ZFHX4: variants seen among roughly 807,000 people sequenced by gnomAD.
The protein encoded by ZFHX4 is zinc finger homeobox 4, also known as zinc finger homeobox protein 4.
Under a neutral mutation model 267.6 loss-of-function variants are expected in ZFHX4, and 56 were observed. The observed-to-expected ratio is 0.21, with a 90% CI of 0.17 to 0.26. ZFHX4 has a LOEUF of 0.26. Among genes scored for constraint, ZFHX4 ranks in the 10% least tolerant of loss-of-function variants. ZFHX4 has a pLI of 1.00. For synonymous variants in ZFHX4, 1,778 were observed against 1,665.6 expected (o/e 1.07, Z -1.64); for missense variants, 4,332 against 4,420.0 (o/e 0.98, Z 0.56).
At chr8:76,757,705 C>T (rs931969732) in intron 3 of ZFHX4, among the ~76,000 whole-genome samples, 1 of 152,206 alleles carries the variant, frequency 6.6e-6, no homozygotes, top group Non-Finnish European at 1.5e-5. Context: ...TGAGTTAGAA[C>T]ACAGTCCTCC....
chr8:76,746,130 G>C (rs535985207), intron 3 of ZFHX4, among the ~76,000 whole-genome samples: 1 of 152,322 alleles, frequency 6.6e-6, no homozygotes, highest in South Asian at 2.1e-4. Flanking sequence ...TTTTGGTCAG[G>C]AGCGATGGCT....
chr8:76,850,074 G>A (rs1812471051), intron 8 of ZFHX4, 171 bp from the exon 9 acceptor site: 2 of 600,768 alleles, frequency 3.3e-6, no homozygotes, highest in Admixed American at 3.1e-5. Flanking sequence ...CATTGCCACA[G>A]CATTGATCTA....
chr8:76,700,064 C>G (rs1031123642), intron 1 of ZFHX4, among the ~76,000 whole-genome samples: 3 of 152,016 alleles, frequency 2.0e-5, no homozygotes, highest in African/African-American at 7.2e-5. Context: ...GGGGAAAAGG[C>G]CACAGCAGAG....
chr8:76,748,079 T>G (rs1209412115), intron 3 of ZFHX4, among the ~76,000 whole-genome samples: 1 of 152,238 alleles, frequency 6.6e-6, no homozygotes, highest in Non-Finnish European at 1.5e-5. Context: ...TTTTATAATC[T>G]TAACTACTCG....
At chr8:76,827,675 A>T (rs1811822411) in intron 4 of ZFHX4, among the ~76,000 whole-genome samples, 1 of 152,194 alleles carries the variant, frequency 6.6e-6, no homozygotes, top group Non-Finnish European at 1.5e-5. Context: ...TATATCAGGA[A>T]CGTATTAAAT....
At chr8:76,768,419 T>C (rs1342008693) in intron 3 of ZFHX4, among the ~76,000 whole-genome samples, 1 of 152,144 alleles carries the variant, frequency 6.6e-6, no homozygotes, top group Non-Finnish European at 1.5e-5. Context: ...ATACTCAAGC[T>C]GGCCATTGAG....
chr8:76,777,206 A>C (rs1810421251), intron 3 of ZFHX4, among the ~76,000 whole-genome samples: 2 of 152,140 alleles, frequency 1.3e-5, no homozygotes, highest in South Asian at 2.1e-4. Context: ...GAATTGAACT[A>C]CCCCAATTAA....
At chr8:76,775,891 T>C (rs1810387581) in intron 3 of ZFHX4, among the ~76,000 whole-genome samples, 1 of 146,274 alleles carries the variant, frequency 6.8e-6, no homozygotes, top group Non-Finnish European at 1.5e-5. Context: ...AAAAAGTAAG[T>C]TTTCTTTTTT....
intron 4 of ZFHX4, among the ~76,000 whole-genome samples, chr8:76,794,935 T>TG (rs1316104047): frequency 2.7e-5 from 4 of 150,926 alleles, no homozygotes; most frequent in African/African-American, 9.7e-5. Flanking sequence ...TCTTCTCAGT[T>TG]GAAGTCCATC....
chr8:76,820,566 T>C (rs192322318), intron 4 of ZFHX4, among the ~76,000 whole-genome samples: 8 of 152,278 alleles, frequency 5.3e-5, no homozygotes, highest in Admixed American at 2.6e-4. Flanking sequence ...TGCCACACAC[T>C]TTTGAGGCCT....
intron 1 of ZFHX4, among the ~76,000 whole-genome samples, chr8:76,685,185 T>A (rs908358016): frequency 6.6e-6 from 1 of 152,200 alleles, no homozygotes; most frequent in African/African-American, 2.4e-5. Flanking sequence ...TTCAGACATG[T>A]TCAGCAGTTA....
intron 4 of ZFHX4, among the ~76,000 whole-genome samples, chr8:76,831,423 C>T (rs1811930717): frequency 6.6e-6 from 1 of 152,102 alleles, no homozygotes; most frequent in African/African-American, 2.4e-5. Flanking sequence ...GGAGTATTAT[C>T]TGCATTTGTG....
intron 4 of ZFHX4, among the ~76,000 whole-genome samples, chr8:76,803,237 T>C (rs899639758): frequency 1.6e-4 from 25 of 151,618 alleles, no homozygotes; most frequent in Middle Eastern, 3.4e-3. Flanking sequence ...AAATCAATAT[T>C]GTGTGTGTGT....
intron 5 of ZFHX4, among the ~76,000 whole-genome samples, chr8:76,840,572 T>G (rs949599283): frequency 2.0e-5 from 3 of 152,190 alleles, no homozygotes; most frequent in African/African-American, 7.2e-5. Flanking sequence ...AATTTTCTTT[T>G]TCTTCTCCTG....
Position 76,852,574 on chromosome 8 carries a change from A to T in ZFHX4, c.5653A>T (p.Thr1885Ser). Residue 1885 changes from threonine to serine, a missense_variant, in exon 10 of 11, where the codon ACA becomes TCA. Coordinates refer to ENST00000651372, the MANE Select transcript of ZFHX4 (RefSeq NM_024721.5). ...TGAAGGACTCAAAGAAGGCAAAGACACAAAGAAGCAAAAATCCTTGGAACC... is the reference window on the plus strand; with the variant it reads ...TGAAGGACTCAAAGAAGGCAAAGACTCAAAGAAGCAAAAATCCTTGGAACC... ...EGEGLKEGKD[T>S]KKQKSLEPSI... The T allele has an allele frequency of 6.2e-7, 1 of 1,611,696 alleles. No individual in the cohort carries two copies. Among genetic ancestry groups the T allele is most frequent in the Non-Finnish European group, 8.5e-7 (1 of 1,178,700 alleles).
chr8:76,712,080 C>T (rs1031900281), intron 3 of ZFHX4, among the ~76,000 whole-genome samples: 2 of 152,138 alleles, frequency 1.3e-5, no homozygotes, highest in Admixed American at 1.3e-4. Flanking sequence ...AGTAGTCTGT[C>T]TGAATTCCAT....
chr8:76,769,401 G>A (rs1456235809), intron 3 of ZFHX4, among the ~76,000 whole-genome samples: 1 of 151,496 alleles, frequency 6.6e-6, no homozygotes, highest in Non-Finnish European at 1.5e-5. Context: ...CCAGGCTGGA[G>A]TGCAGTGCCC....
rs191160203 is a variant in ZFHX4, at chr8:76,774,248, A to G, written c.3094-3960A>G. The stretch of plus-strand genomic sequence containing the variant: ...TGATTGTTACTCATGGCAGTTGTCT[A>G]TGAGATTACTAGAAAAAAAATTGAA... On this transcript the variant is annotated intron_variant, in intron 3 of 10. Transcript: ENST00000651372. 4.2e-4 allele frequency among the ~76,000 whole-genome samples: 64 copies of G among 152,242 alleles called. No individual in the cohort carries two copies. In the East Asian group the frequency reaches 0.011, roughly 25 times the overall value.
At chr8:76,692,236 A>G (rs1226467465) in intron 1 of ZFHX4, among the ~76,000 whole-genome samples, 5 of 152,160 alleles carry the variant, frequency 3.3e-5, no homozygotes, top group Non-Finnish European at 7.4e-5. Flanking sequence ...CAGACACTCC[A>G]TTAAATACAA....
Sources: gnomAD v4.1 joint callset for allele counts (sites outside exome capture counted in the v4.1 genomes callset) on GRCh38, gnomAD v4.1.1 for gene constraint, MANE v1.5 for transcripts, NCBI Gene and HGNC (gene_info 2026-07-23, HGNC 2026-07-21) for gene names.